Variants in SPMIP2 observed in about 807,000 individuals in gnomAD.
SPMIP2 encodes sperm microtubule inner protein 2.
the SPMIP2 span, among the ~76,000 whole-genome samples, chr4:158,924,575 T>C: frequency 8.5e-3 from 1,289 of 152,176 alleles, 7 homozygotes; most frequent in Non-Finnish European, 0.014. Context: ...AGAGACATGG[T>C]TTCACCATGT....
the SPMIP2 span, among the ~76,000 whole-genome samples, chr4:158,976,568 G>C: frequency 6.7e-6 from 1 of 150,000 alleles, no homozygotes; most frequent in Admixed American, 6.6e-5. Flanking sequence ...CATTGGTTCT[G>C]TTTATGTGAT....
At chr4:159,040,033 T>C in the SPMIP2 span, among the ~76,000 whole-genome samples, 1 of 152,232 alleles carries the variant, frequency 6.6e-6, no homozygotes, top group East Asian at 1.9e-4. Context: ...TCAAATATCC[T>C]ATTATGAAGC....
the SPMIP2 span, among the ~76,000 whole-genome samples, chr4:158,966,202 T>C: frequency 6.6e-6 from 1 of 152,224 alleles, no homozygotes; most frequent in Non-Finnish European, 1.5e-5. Context: ...AGTTCCTTGG[T>C]TTCCTAGATT....
At chr4:159,026,378 A>G in the SPMIP2 span, 1 of 805,604 alleles carries the variant, frequency 1.2e-6, no homozygotes, top group African/African-American at 1.7e-5. Flanking sequence ...CAGACTCTCT[A>G]CAACTTTACA....
the SPMIP2 span, among the ~76,000 whole-genome samples, chr4:159,012,859 C>A: frequency 1.3e-5 from 2 of 152,140 alleles, no homozygotes; most frequent in East Asian, 3.8e-4. Context: ...AGGCATGAGC[C>A]ACTGCACCTG....
the SPMIP2 span, among the ~76,000 whole-genome samples, chr4:158,903,124 A>AT: frequency 6.6e-6 from 1 of 152,334 alleles, no homozygotes; most frequent in South Asian, 2.1e-4. Flanking sequence ...TGTACACACC[A>AT]AAGGGAATCT....
At chr4:158,923,069 A>C in the SPMIP2 span, among the ~76,000 whole-genome samples, 1 of 152,242 alleles carries the variant, frequency 6.6e-6, no homozygotes, top group South Asian at 2.1e-4. Context: ...TTAGTTGACC[A>C]TAAATGTAAG....
At chr4:158,949,392 G>C in the SPMIP2 span, among the ~76,000 whole-genome samples, 1 of 152,182 alleles carries the variant, frequency 6.6e-6, no homozygotes, top group African/African-American at 2.4e-5. Context: ...TTCTAAGTCT[G>C]TATATTTAAC....
At chr4:159,001,276 A>G in the SPMIP2 span, among the ~76,000 whole-genome samples, 1 of 152,168 alleles carries the variant, frequency 6.6e-6, no homozygotes, top group African/African-American at 2.4e-5. Flanking sequence ...TTTGCTATCC[A>G]TATATTTTCT....
the SPMIP2 span, among the ~76,000 whole-genome samples, chr4:158,939,060 G>A: frequency 6.6e-6 from 1 of 152,220 alleles, no homozygotes; most frequent in Non-Finnish European, 1.5e-5. Flanking sequence ...TCACGCTGGT[G>A]CTTCCTCAGC....
the SPMIP2 span, chr4:158,893,264 C>T: frequency 6.3e-6 from 1 of 158,216 alleles, no homozygotes; most frequent in African/African-American, 2.4e-5. Context: ...TATATGTTAG[C>T]TTTAGAGCCC....
the SPMIP2 span, among the ~76,000 whole-genome samples, chr4:159,002,355 A>T: frequency 7.6e-6 from 1 of 130,934 alleles, no homozygotes; most frequent in Non-Finnish European, 1.7e-5. Flanking sequence ...TTTAATTTTG[A>T]TAAAGTTTAC....
the SPMIP2 span, among the ~76,000 whole-genome samples, chr4:158,989,555 A>C: frequency 8.5e-5 from 13 of 152,162 alleles, no homozygotes; most frequent in Admixed American, 1.3e-4. Context: ...GGAACAGAAC[A>C]GAGGCCTCAG....
chr4:159,067,428 G>C, the SPMIP2 span, among the ~76,000 whole-genome samples: 3 of 152,184 alleles, frequency 2.0e-5, no homozygotes, highest in South Asian at 4.2e-4. Flanking sequence ...GTGGGGGTTT[G>C]ACATTTTGGC....
the SPMIP2 span, among the ~76,000 whole-genome samples, chr4:158,939,973 GGATT>G: frequency 6.6e-6 from 1 of 152,202 alleles, no homozygotes; most frequent in African/African-American, 2.4e-5. Context: ...TGGCTTTAGA[GGATT>G]GATCTGCATC....
chr4:158,908,875 A>T, the SPMIP2 span, among the ~76,000 whole-genome samples: 1 of 152,042 alleles, frequency 6.6e-6, no homozygotes, highest in African/African-American at 2.4e-5. Flanking sequence ...TTTAGTAGAA[A>T]CGAGGTTTCA....
chr4:158,980,657 T>C, the SPMIP2 span, among the ~76,000 whole-genome samples: 1 of 152,094 alleles, frequency 6.6e-6, no homozygotes, highest in Non-Finnish European at 1.5e-5. Context: ...AGCATCAACA[T>C]CAACACATCA....
At chr4:159,053,222 C>T in the SPMIP2 span, among the ~76,000 whole-genome samples, 2 of 152,024 alleles carry the variant, frequency 1.3e-5, no homozygotes, top group South Asian at 2.1e-4. Flanking sequence ...TCCCAAAGTG[C>T]TGGGATTACA....
chr4:158,894,772 T>G, the SPMIP2 span, among the ~76,000 whole-genome samples: 1 of 152,204 alleles, frequency 6.6e-6, no homozygotes, highest in Admixed American at 6.5e-5. Flanking sequence ...TTATTACTCT[T>G]AGTCACTTAG....
Sources: gnomAD v4.1 joint callset for allele counts (sites outside exome capture counted in the v4.1 genomes callset) on GRCh38, gnomAD v4.1.1 for gene constraint, MANE v1.5 for transcripts, NCBI Gene and HGNC (gene_info 2026-07-23, HGNC 2026-07-21) for gene names.